ALAD: variants seen among roughly 807,000 people sequenced by gnomAD.
ALAD encodes the protein aminolevulinate dehydratase.
A neutral mutation model predicts 44.4 loss-of-function variants in ALAD; 20 were observed. The observed-to-expected ratio is 0.45, with a 90% CI of 0.32 to 0.65. The LOEUF (loss-of-function observed/expected upper bound fraction) is 0.65, where lower values mean the gene tolerates loss of function less well. ALAD is among the 30% of genes least tolerant of loss of function. The pLI is 0.05. For synonymous variants in ALAD, 156 were observed against 167.9 expected (o/e 0.93, Z 0.55); for missense variants, 323 against 445.7 (o/e 0.72, Z 2.48).
rs1252297892 is a variant in ALAD, at chr9:113,392,134, A to C, written c.149T>G (p.Leu50Arg). ...CGTCTCCTACCTGGCCACTCCTGGG[A>C]GGCTGGTGATAGGCTGTATGTCATC... is the stretch of plus-strand genomic sequence containing the variant. ...VPDDIQPITS[L>R]PGVARYGVKR... is the part of the protein sequence containing the mutation. Residue 50 changes from leucine to arginine, a missense_variant, in exon 3 of 12, where the codon CTC becomes CGC. By Grantham distance (102) the Leu-to-Arg change is moderately radical (BLOSUM62 -2). Transcript: ENST00000409155. The C allele has an allele frequency of 6.2e-7, 1 of 1,613,340 alleles. No homozygotes were observed. Among genetic ancestry groups the C allele is most frequent in the East Asian group, 2.2e-5 (1 of 44,870 alleles).
chr9:113,397,161 C>T (rs2119009312), intron 1 of ALAD: 1 of 152,322 alleles, frequency 6.6e-6, no homozygotes, highest in Non-Finnish European at 1.5e-5. Flanking sequence ...GGTCTAATCC[C>T]TCTAATTTGC....
At chr9:113,400,224 T>A (rs1827821307) in intron 1 of ALAD, among the ~76,000 whole-genome samples, 1 of 152,160 alleles carries the variant, frequency 6.6e-6, no homozygotes, top group Non-Finnish European at 1.5e-5. Context: ...GATCACGCAG[T>A]GGGTCAGCGG....
At position 113,397,752 on chromosome 9, in the gene ALAD, A is replaced by G. The variant is rs549589694; in HGVS notation, c.-76+3460T>C. 7.3e-5 allele frequency among the ~76,000 whole-genome samples: 11 copies of G among 151,236 alleles called. No individual in the cohort carries two copies. The South Asian group carries it at 8.4e-4, about 11-fold the overall frequency. On this transcript the variant is annotated intron_variant, in intron 1 of 11. Coordinates refer to ENST00000409155, the MANE Select transcript of ALAD (RefSeq NM_000031.6). ...TGATTCTCCTGCCTCAGCCTCCCAA[A>G]TAGATGGGACTACAGGCATGCATGA...
Position 113,392,162 on chromosome 9 carries a change from G to C in ALAD, c.121C>G (p.Pro41Ala). 1 of 1,613,996 alleles carries C rather than the reference G, an allele frequency of 6.2e-7. No homozygotes were observed. The highest frequency in any genetic ancestry group is 8.5e-7 in the Non-Finnish European group (1 of 1,179,982). ...LIYPIFVTDVPDDIQPITSLP... is the reference protein window; with the variant it reads ...LIYPIFVTDVADDIQPITSLP... ...CTGGTGATAGGCTGTATGTCATCAG[G>C]AACATCCCTGCAAGAGCGGGGGTGG... The change falls in exon 3 of 12, where the codon CCT (proline) becomes GCT (alanine). Residue 41 changes from proline (P) to alanine (A), a missense_variant. Transcript: ENST00000409155.
intron 1 of ALAD, among the ~76,000 whole-genome samples, chr9:113,400,933 C>T (rs574606718): frequency 1.3e-5 from 2 of 152,352 alleles, no homozygotes; most frequent in African/African-American, 4.8e-5. Context: ...ACCACCCGCA[C>T]CTCGGGTTCT....
chr9:113,393,104 C>T (rs985083425), intron 2 of ALAD: 4 of 293,358 alleles, frequency 1.4e-5, no homozygotes, highest in African/African-American at 8.6e-5. Context: ...AGGCGTGAGC[C>T]ACCGTGCCCA....
chr9:113,394,913 G>A (rs925015969), intron 1 of ALAD, among the ~76,000 whole-genome samples: 8 of 152,208 alleles, frequency 5.3e-5, no homozygotes, highest in African/African-American at 1.9e-4. Context: ...AAATTAGCTG[G>A]GCGTGGTGGT....
rs761409735 is a variant in ALAD, at chr9:113,390,314, G to A, written c.570+91C>T. 2.0e-4 allele frequency: 266 copies of A among 1,361,208 alleles called. 1 individual carries two copies. The highest frequency in any genetic ancestry group is 2.5e-4 in the Non-Finnish European group (242 of 969,170). The allele number at this position is 1,361,208 out of a possible 1,614,324, so 84.3% of individuals were successfully genotyped here. On this transcript the variant is annotated intron_variant, in intron 7 of 11. Transcript: ENST00000409155. ...TGGGACTACAGGTGTGAGCCAACAC[G>A]CCCGGCAGTTCTGTGATTCTTAGCA... is the stretch of plus-strand genomic sequence containing the variant.
Position 113,392,160 on chromosome 9 carries a change from A to G in ALAD, c.123T>C (p.Pro41=). The G allele has an allele frequency of 1.2e-6, 2 of 1,613,988 alleles. No individual in the cohort carries two copies. Among genetic ancestry groups the G allele is most frequent in the East Asian group, 2.2e-5 (1 of 44,878 alleles). Residue 41 remains proline, a synonymous_variant, in exon 3 of 12, where the codon CCT becomes CCC. Transcript: ENST00000409155. ...GGCTGGTGATAGGCTGTATGTCATC[A>G]GGAACATCCCTGCAAGAGCGGGGGT... The part of the protein sequence containing the change: ...LIYPIFVTDV[P]DDIQPITSLP...
rs758622234 is a variant in ALAD, at chr9:113,390,455, G to C, written c.520C>G (p.Arg174Gly). Residue 174 changes from arginine to glycine, a missense_variant, in exon 7 of 12, where the codon CGC (arginine) becomes GGC (glycine). Coordinates refer to ENST00000409155, the MANE Select transcript of ALAD (RefSeq NM_000031.6). ...VVAPSDMMDG[R>G]VEAIKEALMA... is the part of the protein sequence containing the mutation. ...AGGGCCTCTTTGATGGCTTCCACGC[G>C]TCCATCCATCATGTCCGACGGGGCT... The C allele has an allele frequency of 1.1e-5, 18 of 1,613,962 alleles. No homozygotes were observed. Among genetic ancestry groups the C allele is most frequent in the Admixed American group, 1.7e-5 (1 of 60,000 alleles).
rs1827790006 is a variant in ALAD at position 113,398,573 on chromosome 9, A to G, written c.-76+2639T>C. Reference sequence around the variant, plus strand: ...TCTGTTTTTGAATTTTAAGATTCAGAGACAGATTTGATTTGAGAAACGGCT... The same window carrying G: ...TCTGTTTTTGAATTTTAAGATTCAGGGACAGATTTGATTTGAGAAACGGCT... On this transcript the variant is annotated intron_variant, in intron 1 of 11. Coordinates refer to ENST00000409155, the MANE Select transcript of ALAD (RefSeq NM_000031.6). 3.3e-5 allele frequency among the ~76,000 whole-genome samples: 5 copies of G among 152,226 alleles called. No homozygotes were observed. The South Asian group carries it at 1.0e-3, about 31-fold the overall frequency.
At chr9:113,392,446 T>C in intron 2 of ALAD, 1 of 881,158 alleles carries the variant, frequency 1.1e-6, no homozygotes, top group Non-Finnish European at 1.5e-6. Context: ...GACTCTGAAT[T>C]TGGCAGGTCC....
Position 113,389,085 on chromosome 9 carries a change from C to G in ALAD, c.823G>C (p.Val275Leu). The G allele has an allele frequency of 6.2e-7, 1 of 1,613,978 alleles. No individual in the cohort carries two copies. Residue 275 changes from valine (V) to leucine (L), a missense_variant, in exon 11 of 12, where the codon GTG (valine) becomes CTG (leucine). By Grantham distance (32) the Val-to-Leu change is conservative. Transcript: ENST00000409155. ...GCAAACTCTCCAGAGACGTGGTACACGGCGAGAGGGAGGTCAGGGTGCTGC... is the reference window on the plus strand; with the variant it reads ...GCAAACTCTCCAGAGACGTGGTACAGGGCGAGAGGGAGGTCAGGGTGCTGC... ...KDKHPDLPLA[V>L]YHVSGEFAML...
intron 2 of ALAD, chr9:113,393,042 TCTC>T: frequency 4.7e-6 from 1 of 213,944 alleles, no homozygotes; most frequent in Admixed American, 5.0e-5. Flanking sequence ...ATGGTCTCGA[TCTC>T]CTGACCTCGT....
At chr9:113,397,623 T>TC (rs1253213365) in intron 1 of ALAD, among the ~76,000 whole-genome samples, 5 of 93,662 alleles carry the variant, frequency 5.3e-5, no homozygotes, top group African/African-American at 2.4e-4. Context: ...TCCTTTTCTT[T>TC]TTTTTTTTTT....
At chr9:113,398,739 C>G (rs1827792591) in intron 1 of ALAD, among the ~76,000 whole-genome samples, 1 of 152,206 alleles carries the variant, frequency 6.6e-6, no homozygotes, top group Non-Finnish European at 1.5e-5. Flanking sequence ...TAAACTGACC[C>G]TGCAGCTCCT....
chr9:113,399,695 C>T (rs973805128), intron 1 of ALAD, among the ~76,000 whole-genome samples: 14 of 152,150 alleles, frequency 9.2e-5, no homozygotes, highest in African/African-American at 3.4e-4. Context: ...GCACTGCTAC[C>T]AGGAGGGGCT....
rs1479960276 is a variant in ALAD, at chr9:113,387,427, CTGT to C, written c.*870_*872del. On this transcript the variant is annotated 3_prime_UTR_variant, in exon 12 of 12. Transcript: ENST00000409155. ...TACTGTTTCAAGAGAGGCCCCTTCCCTGTTGTTGTCTCAGACCCCTTCTTTCCT... is the reference window on the plus strand; with the variant it reads ...TACTGTTTCAAGAGAGGCCCCTTCCCTGTTGTCTCAGACCCCTTCTTTCCT... 1.3e-5 allele frequency: 2 copies of C among 152,248 alleles called. No individual in the cohort carries two copies. The highest frequency in any genetic ancestry group is 4.8e-5 in the African/African-American group (2 of 41,448). The allele number at this position is 152,248 out of a possible 1,614,324, so 9.4% of individuals were successfully genotyped here.
chr9:113,391,586 AG>A lies in ALAD; in HGVS notation c.201del (p.Leu68TrpfsTer10), dbSNP rs1461325092. ...GVKRLEEMLRPLVEEGLRCVL... is the reference protein window; with the variant it reads ...GVKRLEEMLRXLVEEGLRCVL... Reference sequence around the variant, plus strand: ...ACACAGCGTAGGCCCTCTTCCACCAAGGGCCTCAGCATCTCTTCCAGCCGCT... The same window carrying A: ...ACACAGCGTAGGCCCTCTTCCACCAAGGCCTCAGCATCTCTTCCAGCCGCT... On this transcript the variant is annotated frameshift_variant, in exon 4 of 12. Coordinates refer to ENST00000409155, the MANE Select transcript of ALAD (RefSeq NM_000031.6). LOFTEE classifies it high-confidence loss of function. 6 of 1,614,116 alleles carry A rather than the reference AG, an allele frequency of 3.7e-6. No individual in the cohort carries two copies. Among genetic ancestry groups the A allele is most frequent in the Non-Finnish European group, 5.1e-6 (6 of 1,180,026 alleles).
Sources: allele counts gnomAD v4.1 joint callset (sites outside exome capture counted in the v4.1 genomes callset), GRCh38; gene constraint gnomAD v4.1.1; transcripts MANE v1.5; gene names NCBI Gene and HGNC (gene_info 2026-07-23, HGNC 2026-07-21).